The following SUGCT variants were observed in gnomAD, a reference collection of about 807,000 sequenced individuals.
The protein encoded by SUGCT is succinyl-CoA:glutarate-CoA transferase, also known as succinyl-CoA:glutarate CoA-transferase.
In SUGCT, 41 loss-of-function variants were observed where a neutral mutation model predicts 55.0. The ratio of observed to expected loss-of-function variants is 0.74; its 90% CI spans 0.58 to 0.97. The LOEUF is 0.97. SUGCT is among the 50% of genes least tolerant of loss of function. The pLI is 0.00. For missense variants in SUGCT, 568 were observed against 547.8 expected (o/e 1.04, Z -0.37); for synonymous variants, 187 against 200.4 (o/e 0.93, Z 0.56).
chr7:40,698,510 A>G (rs1407715437), intron 12 of SUGCT, among the ~76,000 whole-genome samples: 1 of 152,184 alleles, frequency 6.6e-6, no homozygotes, highest in Admixed American at 6.5e-5. Flanking sequence ...TCAGCATCCA[A>G]GAGGAAGAAG....
At chr7:40,441,470 A>G (rs948129742) in intron 9 of SUGCT, among the ~76,000 whole-genome samples, 10 of 152,320 alleles carry the variant, frequency 6.6e-5, no homozygotes, top group African/African-American at 2.4e-4. Context: ...TACAAAACAA[A>G]CTAAAAAAAC....
chr7:40,148,515 A>G (rs563783733), intron 1 of SUGCT, among the ~76,000 whole-genome samples: 9 of 152,138 alleles, frequency 5.9e-5, no homozygotes, highest in Non-Finnish European at 1.2e-4. Flanking sequence ...TTGCTGGCAC[A>G]TGCCTGTAAT....
the SUGCT span, among the ~76,000 whole-genome samples, chr7:40,977,411 G>A: frequency 1.3e-5 from 2 of 152,184 alleles, no homozygotes; most frequent in African/African-American, 4.8e-5. Flanking sequence ...TTTCCCTTGG[G>A]GGTAGATTAT....
At chr7:40,360,474 C>T (rs184574789) in intron 9 of SUGCT, among the ~76,000 whole-genome samples, 211 of 152,222 alleles carry the variant, frequency 1.4e-3, no homozygotes, top group African/African-American at 4.9e-3. Flanking sequence ...GTGTGCCAAG[C>T]GCTGGGTCTA....
intron 12 of SUGCT, among the ~76,000 whole-genome samples, chr7:40,555,248 G>C (rs1583972602): frequency 6.6e-6 from 1 of 151,394 alleles, no homozygotes; most frequent in African/African-American, 2.4e-5. Flanking sequence ...AGGATGGTCA[G>C]CTCTCGATGG....
At chr7:40,884,686 G>C in the SUGCT span, among the ~76,000 whole-genome samples, 1 of 152,230 alleles carries the variant, frequency 6.6e-6, no homozygotes, top group East Asian at 1.9e-4. Flanking sequence ...ATCACCTCTT[G>C]CTTGGTAGAA....
chr7:40,330,337 T>C (rs1796240705), intron 9 of SUGCT, among the ~76,000 whole-genome samples: 1 of 152,136 alleles, frequency 6.6e-6, no homozygotes, highest in African/African-American at 2.4e-5. Context: ...ATAGGGACAT[T>C]TACAGGTAAA....
chr7:40,711,210 G>A (rs1476501577), intron 12 of SUGCT, among the ~76,000 whole-genome samples: 1 of 152,198 alleles, frequency 6.6e-6, no homozygotes, highest in African/African-American at 2.4e-5. Context: ...CCAGCCCCTG[G>A]TGTTAAAAGA....
the SUGCT span, among the ~76,000 whole-genome samples, chr7:40,969,513 C>A: frequency 6.6e-6 from 1 of 152,040 alleles, no homozygotes. Context: ...CCATGCCTGG[C>A]TATTTTATTT....
chr7:40,627,129 A>G (rs1799561974), intron 12 of SUGCT, among the ~76,000 whole-genome samples: 1 of 152,212 alleles, frequency 6.6e-6, no homozygotes, highest in African/African-American at 2.4e-5. Flanking sequence ...TGGAGTCAAG[A>G]CCCATTGTTA....
intron 3 of SUGCT, among the ~76,000 whole-genome samples, chr7:40,184,570 C>G (rs907000889): frequency 1.3e-5 from 2 of 151,824 alleles, no homozygotes; most frequent in African/African-American, 4.8e-5. Context: ...TGGGCTCAAA[C>G]GATCCTTCGA....
At chr7:40,556,422 C>T (rs1471500247) in intron 12 of SUGCT, among the ~76,000 whole-genome samples, 1 of 152,196 alleles carries the variant, frequency 6.6e-6, no homozygotes, top group Non-Finnish European at 1.5e-5. Context: ...GGATTCTTCC[C>T]CTTCTCAGTC....
intron 7 of SUGCT, among the ~76,000 whole-genome samples, chr7:40,248,880 G>T (rs1054884863): frequency 7.3e-6 from 1 of 136,482 alleles, no homozygotes; most frequent in African/African-American, 2.9e-5. Context: ...CAGCGCGCGC[G>T]CGCGCTCGCA....
Position 40,177,017 on chromosome 7 carries a change from C to G in SUGCT, c.101-3930C>G, listed in dbSNP as rs550090093. 1.6e-3 allele frequency among the ~76,000 whole-genome samples: 234 copies of G among 150,798 alleles called. 1 individual carries two copies. The highest frequency in any genetic ancestry group is 3.4e-3 in the Admixed American group (52 of 15,128). On this transcript the variant is annotated intron_variant, in intron 1 of 13. Coordinates refer to ENST00000335693, the MANE Select transcript of SUGCT (RefSeq NM_001193313.2). The stretch of plus-strand genomic sequence containing the variant: ...TTTCACTACCATTTGAACAAATATG[C>G]ATGCCCTTTCCATCCTTCCAAATTA...
chr7:40,768,039 G>A (rs769897156), intron 13 of SUGCT, among the ~76,000 whole-genome samples: 4 of 152,180 alleles, frequency 2.6e-5, no homozygotes, highest in Admixed American at 2.0e-4. Context: ...GACTGGCCAT[G>A]GGTCATCTGA....
chr7:40,136,161 TA>T (rs1363273079), intron 1 of SUGCT, among the ~76,000 whole-genome samples: 36 of 151,536 alleles, frequency 2.4e-4, no homozygotes, highest in African/African-American at 8.5e-4. Flanking sequence ...CATGCCCGGC[TA>T]ATTTTTTTGT....
chr7:40,924,006 C>T, the SUGCT span, among the ~76,000 whole-genome samples: 1 of 152,032 alleles, frequency 6.6e-6, no homozygotes, highest in South Asian at 2.1e-4. Context: ...GGATTAGTGC[C>T]CTTATAAAAG....
Position 40,691,031 on chromosome 7 carries a change from T to A in SUGCT, c.1090-58403T>A, listed in dbSNP as rs557884515. On this transcript the variant is annotated intron_variant, in intron 12 of 13. Transcript: ENST00000335693. ...CTTGGGCCTTTTGCACTTGGCTGTCTGATATTTCCTCTGGAATAGAAAAGG... is the reference window on the plus strand; with the variant it reads ...CTTGGGCCTTTTGCACTTGGCTGTCAGATATTTCCTCTGGAATAGAAAAGG... Among the ~76,000 whole-genome samples, 14 of 152,318 alleles carry A rather than the reference T, an allele frequency of 9.2e-5. No homozygotes were observed. The South Asian group carries it at 2.7e-3, about 29-fold the overall frequency.
At chr7:40,706,639 G>C (rs1785423568) in intron 12 of SUGCT, among the ~76,000 whole-genome samples, 1 of 152,216 alleles carries the variant, frequency 6.6e-6, no homozygotes. Context: ...TCTCATGGCA[G>C]TGGCTTCTTT....
Sources: allele counts gnomAD v4.1 joint callset (sites outside exome capture counted in the v4.1 genomes callset), GRCh38; gene constraint gnomAD v4.1.1; transcripts MANE v1.5; gene names NCBI Gene and HGNC (gene_info 2026-07-23, HGNC 2026-07-21).